Variants in CLINT1 observed in about 807,000 individuals in gnomAD.
CLINT1 encodes clathrin interactor 1.
Under a neutral mutation model 70.4 loss-of-function variants are expected in CLINT1, and 15 were observed. The observed-to-expected ratio is 0.21, with a 90% CI of 0.14 to 0.33. The LOEUF is 0.33. Ranked by LOEUF, CLINT1 falls within the 10% of genes least tolerant of loss-of-function variation. The pLI is 1.00. For synonymous variants in CLINT1, 227 were observed against 254.7 expected (o/e 0.89, Z 1.04); for missense variants, 615 against 778.1 (o/e 0.79, Z 2.49).
chr5:157,814,269 T>A lies in CLINT1; in HGVS notation c.268A>T (p.Ile90Leu), dbSNP rs370560334. 120 of 1,610,284 alleles carry A rather than the reference T, an allele frequency of 7.5e-5. No individual in the cohort carries two copies. The Middle Eastern group carries it at 4.5e-3, about 60-fold the overall frequency. The change falls in exon 4 of 12, where the codon ATA (isoleucine) becomes TTA (leucine). Residue 90 changes from isoleucine to leucine, a missense_variant. This residue lies in a region of CLINT1 where 241 missense variants were observed against 368.6 expected (regional missense o/e 0.65). Transcript: ENST00000411809. ...ACAACACGCTCTGATCCATTCCTTA[T>A]GAGGTAAGCTAGGAGCAGCAACGAC... The part of the protein sequence containing the change: ...YKSLLLLAYL[I>L]RNGSERVVTS...
At chr5:157,788,406 A>G (rs1262549681) in intron 11 of CLINT1, among the ~76,000 whole-genome samples, 1 of 152,232 alleles carries the variant, frequency 6.6e-6, no homozygotes, top group Non-Finnish European at 1.5e-5. Context: ...AAATCTTTAA[A>G]AAGTTTATAT....
At chr5:157,821,712 G>C (rs931842421) in intron 1 of CLINT1, among the ~76,000 whole-genome samples, 1 of 152,140 alleles carries the variant, frequency 6.6e-6, no homozygotes, top group Non-Finnish European at 1.5e-5. Context: ...CTGTTTAAAT[G>C]TAACAGTTAC....
At chr5:157,858,584 G>A (rs1348566823) in intron 1 of CLINT1, among the ~76,000 whole-genome samples, 1 of 152,190 alleles carries the variant, frequency 6.6e-6, no homozygotes, top group East Asian at 1.9e-4. Context: ...CACGGCCTGG[G>A]GCCAAGACAG....
chr5:157,815,328 C>T (rs1762687298), intron 3 of CLINT1, among the ~76,000 whole-genome samples: 1 of 151,998 alleles, frequency 6.6e-6, no homozygotes, highest in Non-Finnish European at 1.5e-5. Context: ...CAACCCCCAC[C>T]CCCAAACTAA....
chr5:157,843,377 C>G (rs1753257505), intron 1 of CLINT1, among the ~76,000 whole-genome samples: 1 of 152,118 alleles, frequency 6.6e-6, no homozygotes. Context: ...GCTTGACATA[C>G]CAACATGGCT....
At chr5:157,819,535 A>G (rs1256866892) in intron 1 of CLINT1, among the ~76,000 whole-genome samples, 3 of 152,206 alleles carry the variant, frequency 2.0e-5, no homozygotes, top group Non-Finnish European at 4.4e-5. Flanking sequence ...AATTTTATCA[A>G]CCATGGAACC....
chr5:157,833,786 C>A (rs1763325851), intron 1 of CLINT1, among the ~76,000 whole-genome samples: 2 of 150,230 alleles, frequency 1.3e-5, no homozygotes, highest in African/African-American at 4.9e-5. Flanking sequence ...CAAAAAAATA[C>A]AAAAATTATC....
Position 157,827,314 on chromosome 5 carries a change from T to C in CLINT1, c.42-9767A>G, listed in dbSNP as rs145473044. Among the ~76,000 whole-genome samples the C allele has an allele frequency of 3.3e-3, 495 of 152,270 alleles. 2 individuals are homozygous for C. Among genetic ancestry groups the C allele is most frequent in the African/African-American group, 0.01 (431 of 41,570 alleles). On this transcript the variant is annotated intron_variant, in intron 1 of 11. Transcript: ENST00000411809. The stretch of plus-strand genomic sequence containing the variant: ...GGATAATTGAAAAGATAGGAACTTA[T>C]AGAAGCAAGGACTAAAATAACCCAT...
rs531826288 is a variant in CLINT1, at chr5:157,852,543, G to A, written c.41+6387C>T. ...TTTCTAGTGTTATACTGTTTTGTGT[G>A]TAACAGTAATAACAGTAATAGATGT... On this transcript the variant is annotated intron_variant, in intron 1 of 11. Transcript: ENST00000411809. Among the ~76,000 whole-genome samples, 103 of 152,284 alleles carry A rather than the reference G, an allele frequency of 6.8e-4. 1 individual carries two copies. Among genetic ancestry groups the A allele is most frequent in the Non-Finnish European group, 1.2e-3 (81 of 68,016 alleles).
In CLINT1 at chr5:157,795,136, T is replaced by G. The variant is rs1192143346; in HGVS notation, c.1013-164A>C. ...GACCTAGATTTTCATGTCACTATGTTCCCTATGAGCTACCATAGACTCTTT... is the reference window on the plus strand; with the variant it reads ...GACCTAGATTTTCATGTCACTATGTGCCCTATGAGCTACCATAGACTCTTT... On this transcript the variant is annotated intron_variant, in intron 8 of 11. Coordinates refer to ENST00000411809, the MANE Select transcript of CLINT1 (RefSeq NM_014666.4). The G allele has an allele frequency of 4.8e-6, 3 of 622,510 alleles. No individual in the cohort carries two copies. The Admixed American group carries it at 8.4e-5, about 17-fold the overall frequency. 38.6% of individuals were successfully genotyped at this position (622,510 alleles called of 1,614,324 possible).
chr5:157,816,662 T>C, intron 3 of CLINT1, 72 bp downstream of exon 3: 4 of 963,314 alleles, frequency 4.2e-6, no homozygotes, highest in Non-Finnish European at 6.5e-6. Flanking sequence ...AAATCACCTA[T>C]GTATATACAC....
chr5:157,794,869 G>A, intron 9 of CLINT1, 29 bp downstream of exon 9: 1 of 1,531,606 alleles, frequency 6.5e-7, no homozygotes, highest in Non-Finnish European at 8.9e-7. Flanking sequence ...TACCACCCTA[G>A]ACTTCTGGCC....
chr5:157,821,154 T>G (rs1762871097), intron 1 of CLINT1, among the ~76,000 whole-genome samples: 1 of 152,056 alleles, frequency 6.6e-6, no homozygotes, highest in Non-Finnish European at 1.5e-5. Context: ...CTACTTACAT[T>G]TCCTTTCATG....
rs1356262291 is a variant in CLINT1 at position 157,786,458 on chromosome 5, CAATT to C, written c.*1184_*1187del. ...AAATATTCCCAGCTTGAGGGTAAAA[CAATT>C]AATTTTGCATTCCAAACTCTAGAAT... On this transcript the variant is annotated 3_prime_UTR_variant, in exon 12 of 12. Transcript: ENST00000411809. 1.3e-5 allele frequency: 2 copies of C among 152,394 alleles called. No homozygotes were observed. Among genetic ancestry groups the C allele is most frequent in the South Asian group, 2.1e-4 (1 of 4,826 alleles). 9.4% of individuals were successfully genotyped at this position (152,394 alleles called of 1,614,324 possible).
At position 157,814,193 on chromosome 5, in the gene CLINT1, T is replaced by C. The variant is rs1449874030; in HGVS notation, c.344A>G (p.His115Arg). 2 of 1,601,954 alleles carry C rather than the reference T, an allele frequency of 1.2e-6. No homozygotes were observed. Among genetic ancestry groups the C allele is most frequent in the South Asian group, 2.2e-5 (2 of 89,444 alleles). The change falls in exon 4 of 12, where the codon CAC becomes CGC. Residue 115 changes from histidine (H) to arginine (R), a missense_variant. Around this residue, in one of 2 missense-constraint regions of CLINT1, gnomAD observed 241 missense variants for 368.6 expected, o/e 0.65. Coordinates refer to ENST00000411809, the MANE Select transcript of CLINT1 (RefSeq NM_014666.4). ...IYDLRSLENYHFVDEHGKDQG... is the reference protein window; with the variant it reads ...IYDLRSLENYRFVDEHGKDQG... Reference sequence around the variant, plus strand: ...GTTTTTCTATTGCTTACCTACAAAGTGGTAATTTTCCAGGGATCGTAAATC... The same window carrying C: ...GTTTTTCTATTGCTTACCTACAAAGCGGTAATTTTCCAGGGATCGTAAATC...
intron 6 of CLINT1, among the ~76,000 whole-genome samples, chr5:157,808,855 A>G (rs1206977636): frequency 1.3e-5 from 2 of 151,936 alleles, no homozygotes; most frequent in Non-Finnish European, 2.9e-5. Context: ...CTTATGTTTA[A>G]TTAAACTTAA....
chr5:157,788,896 G>C (rs932146086), intron 11 of CLINT1, among the ~76,000 whole-genome samples: 1 of 150,200 alleles, frequency 6.7e-6, no homozygotes, highest in Non-Finnish European at 1.5e-5. Flanking sequence ...AAAACTGGGA[G>C]GTGGAGGCTG....
chr5:157,790,524 A>C, intron 10 of CLINT1: 1 of 369,500 alleles, frequency 2.7e-6, no homozygotes, highest in Non-Finnish European at 5.2e-6. Flanking sequence ...GTTACAATTA[A>C]GACTGCAAAT....
chr5:157,821,455 C>CAT (rs1762878240), intron 1 of CLINT1, among the ~76,000 whole-genome samples: 1 of 152,050 alleles, frequency 6.6e-6, no homozygotes. Flanking sequence ...CACAAGAGAA[C>CAT]ATAAACCAGG....
Sources: gnomAD v4.1 joint callset for allele counts (sites outside exome capture counted in the v4.1 genomes callset) on GRCh38, gnomAD v4.1.1 for gene constraint, gnomAD v4.1.1 regional missense constraint, MANE v1.5 for transcripts, NCBI Gene and HGNC (gene_info 2026-07-23, HGNC 2026-07-21) for gene names.